Variants in PRR16 observed in about 807,000 individuals in gnomAD.
PRR16 encodes the protein protein Largen.
In PRR16, 6 loss-of-function variants were observed where a neutral mutation model predicts 18.2. That is an observed-to-expected ratio of 0.33 (90% confidence interval 0.18 to 0.65). The LOEUF is 0.65. PRR16 is among the 30% of genes least tolerant of loss of function. The pLI is 0.74. For synonymous variants in PRR16, 151 were observed against 147.8 expected, an observed-to-expected ratio of 1.02 and a Z score of -0.16; for missense variants, 412 against 376.6, an observed-to-expected ratio of 1.09 and a Z score of -0.78.
intron 1 of PRR16, among the ~76,000 whole-genome samples, chr5:120,652,787 G>A (rs1755836029): frequency 6.6e-6 from 1 of 151,904 alleles, no homozygotes; most frequent in South Asian, 2.1e-4. Flanking sequence ...CCATCTCAGT[G>A]AAGTATGGGC....
intron 1 of PRR16, among the ~76,000 whole-genome samples, chr5:120,680,056 C>T (rs1026053498): frequency 2.6e-5 from 4 of 152,220 alleles, no homozygotes; most frequent in Non-Finnish European, 5.9e-5. Flanking sequence ...ATTCGTTCCA[C>T]TGAAGAAACC....
At chr5:120,698,232 G>T in the PRR16 span, among the ~76,000 whole-genome samples, 547 of 152,042 alleles carry the variant, frequency 3.6e-3, 9 homozygotes, top group African/African-American at 0.012. Flanking sequence ...GTGGTAAGGG[G>T]TGATACTGTG....
the PRR16 span, chr5:120,790,534 CAGAG>C: frequency 6.6e-6 from 1 of 152,190 alleles, no homozygotes; most frequent in Non-Finnish European, 1.5e-5. Context: ...TGTTTGCAGA[CAGAG>C]AATGTTTGCC....
chr5:120,655,189 G>C (rs1396215300), intron 1 of PRR16, among the ~76,000 whole-genome samples: 1 of 151,690 alleles, frequency 6.6e-6, no homozygotes, highest in East Asian at 1.9e-4. Flanking sequence ...ACTCAGGCCT[G>C]TGGTAATGAT....
chr5:120,791,096 G>T, the PRR16 span, among the ~76,000 whole-genome samples: 5 of 151,840 alleles, frequency 3.3e-5, no homozygotes, highest in East Asian at 9.6e-4. Flanking sequence ...ATTTGTATTT[G>T]GCATATAACA....
At chr5:120,782,438 G>T in the PRR16 span, among the ~76,000 whole-genome samples, 1 of 152,144 alleles carries the variant, frequency 6.6e-6, no homozygotes, top group African/African-American at 2.4e-5. Flanking sequence ...TTTTAAAAGT[G>T]AAGCCTGATG....
chr5:120,506,802 C>G (rs1301388176), intron 1 of PRR16, among the ~76,000 whole-genome samples: 1 of 151,948 alleles, frequency 6.6e-6, no homozygotes, highest in Non-Finnish European at 1.5e-5. Context: ...AAAAAAAAGG[C>G]AGAGGAGGAA....
At position 120,656,253 on chromosome 5, in the gene PRR16, G is replaced by A. The variant is rs957851145; in HGVS notation, c.160-29701G>A. ...ACACTATCTTCAGGCAATCATGGAA[G>A]AAGTCAACTGAGTAGTTAGCTTGTA... On this transcript the variant is annotated intron_variant, in intron 1 of 1. Coordinates refer to ENST00000407149, the MANE Select transcript of PRR16 (RefSeq NM_001300783.2). 2.0e-5 allele frequency among the ~76,000 whole-genome samples: 3 copies of A among 151,972 alleles called. No homozygotes were observed. In the East Asian group the frequency reaches 5.8e-4, roughly 29 times the overall value.
At chr5:120,671,437 A>G (rs1453371228) in intron 1 of PRR16, among the ~76,000 whole-genome samples, 1 of 152,130 alleles carries the variant, frequency 6.6e-6, no homozygotes, top group East Asian at 1.9e-4. Context: ...CAACATTTCT[A>G]GTAATATTAC....
At chr5:120,684,651 T>C (rs1326228606) in intron 1 of PRR16, among the ~76,000 whole-genome samples, 1 of 152,128 alleles carries the variant, frequency 6.6e-6, no homozygotes, top group East Asian at 1.9e-4. Flanking sequence ...AGAGTGTAAA[T>C]GACTGAGGAC....
intron 1 of PRR16, among the ~76,000 whole-genome samples, chr5:120,483,801 T>C (rs1474513861): frequency 2.6e-5 from 4 of 152,096 alleles, no homozygotes; most frequent in Non-Finnish European, 5.9e-5. Flanking sequence ...AGATAACAAA[T>C]CTGGCCAAGA....
At chr5:120,657,444 A>T (rs1290283671) in intron 1 of PRR16, among the ~76,000 whole-genome samples, 1 of 151,932 alleles carries the variant, frequency 6.6e-6, no homozygotes, top group Non-Finnish European at 1.5e-5. Flanking sequence ...CTTGAAATCA[A>T]ATTGTGTGGG....
chr5:120,707,745 AAAG>A, the PRR16 span, among the ~76,000 whole-genome samples: 5 of 152,236 alleles, frequency 3.3e-5, no homozygotes, highest in Admixed American at 2.6e-4. Flanking sequence ...GGGAAGAAGA[AAAG>A]AACAAGTAAA....
the PRR16 span, among the ~76,000 whole-genome samples, chr5:120,767,514 T>C: frequency 5.3e-5 from 8 of 151,804 alleles, no homozygotes; most frequent in Non-Finnish European, 1.2e-4. Context: ...AATGCAGCAT[T>C]AGCTGTTCTC....
chr5:120,740,838 T>C, the PRR16 span, among the ~76,000 whole-genome samples: 19 of 152,172 alleles, frequency 1.2e-4, no homozygotes, highest in African/African-American at 4.6e-4. Flanking sequence ...TTGCTTTATT[T>C]TTATTTTTCT....
chr5:120,501,590 C>T (rs1042949485), intron 1 of PRR16, among the ~76,000 whole-genome samples: 1 of 152,094 alleles, frequency 6.6e-6, no homozygotes, highest in Non-Finnish European at 1.5e-5. Flanking sequence ...GATGGTATTT[C>T]CGTATTTTGG....
intron 1 of PRR16, among the ~76,000 whole-genome samples, chr5:120,541,142 A>G (rs767389918): frequency 3.3e-5 from 5 of 151,812 alleles, no homozygotes; most frequent in Admixed American, 2.6e-4. Context: ...GTTGTTGTTT[A>G]TTTTTGTTTC....
intron 1 of PRR16, among the ~76,000 whole-genome samples, chr5:120,528,403 G>A (rs930510613): frequency 4.6e-5 from 7 of 152,090 alleles, no homozygotes; most frequent in Non-Finnish European, 1.0e-4. Context: ...TTATTTTGTA[G>A]GACTCAAGAT....
At chr5:120,783,878 C>T in the PRR16 span, among the ~76,000 whole-genome samples, 1 of 152,086 alleles carries the variant, frequency 6.6e-6, no homozygotes, top group African/African-American at 2.4e-5. Context: ...TCCCACTACC[C>T]ATACCAGCCT....
Sources: allele counts gnomAD v4.1 joint callset (sites outside exome capture counted in the v4.1 genomes callset), GRCh38; gene constraint gnomAD v4.1.1; transcripts MANE v1.5; gene names NCBI Gene and HGNC (gene_info 2026-07-23, HGNC 2026-07-21).